Variants in R3HDM4 observed in about 807,000 individuals in gnomAD.
R3HDM4 encodes R3H domain-containing protein 4.
R3HDM4 carries 30 observed loss-of-function variants against 31.3 expected under a neutral mutation model. The ratio of observed to expected loss-of-function variants is 0.96; its 90% CI spans 0.72 to 1.30. The LOEUF is 1.30. Among genes scored for constraint, R3HDM4 ranks in the 50% most tolerant of loss-of-function variants. The pLI, the probability that R3HDM4 is intolerant of heterozygous loss-of-function variation, is 0.00. For synonymous variants in R3HDM4, 196 were observed against 156.6 expected (o/e 1.25, Z -1.88); for missense variants, 444 against 366.1 (o/e 1.21, Z -1.74).
chr19:898,614 C>T (rs2036776835), intron 7 of R3HDM4, among the ~76,000 whole-genome samples: 1 of 147,068 alleles, frequency 6.8e-6, no homozygotes, highest in Admixed American at 6.7e-5. Flanking sequence ...CCAAACCTAA[C>T]CAACCAAAAC....
At position 902,094 on chromosome 19, in the gene R3HDM4, G is replaced by A; in HGVS notation, c.108C>T (p.Ser36=). ...LPSCLPALAS[S]QVKRLSASRR... is the part of the protein sequence containing the mutation. ...TGGAAGCCGAGAGTCTCTTCACCTG[G>A]GAGCTGGCTAGGGCAGGCAGGCAGC... Residue 36 remains serine (S), a synonymous_variant, in exon 2 of 8, where the codon TCC becomes TCT. Transcript: ENST00000361574. 6.2e-7 allele frequency: 1 copy of A among 1,613,762 alleles called. No individual in the cohort carries two copies. The highest frequency in any genetic ancestry group is 1.1e-5 in the South Asian group (1 of 91,090).
intron 1 of R3HDM4, among the ~76,000 whole-genome samples, chr19:906,344 C>T (rs1279162041): frequency 6.7e-6 from 1 of 148,530 alleles, no homozygotes; most frequent in African/African-American, 2.5e-5. Context: ...CTCAGCCTCC[C>T]GAGTAGCTGG....
rs1370274429 is a variant in R3HDM4, at chr19:913,210, G to A, written c.-53C>T. ...GCCCGGCAGGGCCTTCACCGGGCCG[G>A]GCAGGAAGTGACGGGCGCCCGGAGG... On this transcript the variant is annotated 5_prime_UTR_variant, in exon 1 of 8. Transcript: ENST00000361574. This position sits in a 1 kb window ranked among gnomAD's most constrained non-coding sequence, Gnocchi z 5.0. The A allele has an allele frequency of 3.8e-6, 4 of 1,050,820 alleles. No individual in the cohort carries two copies. The highest frequency in any genetic ancestry group is 1.7e-5 in the African/African-American group (1 of 58,552). The allele number at this position is 1,050,820 out of a possible 1,614,324, so 65.1% of individuals were successfully genotyped here.
chr19:897,072 C>A lies in R3HDM4; in HGVS notation c.*365G>T. 5.1e-6 allele frequency: 1 copy of A among 197,560 alleles called. No individual in the cohort carries two copies. Among genetic ancestry groups the A allele is most frequent in the South Asian group, 1.7e-4 (1 of 5,806 alleles). The allele number at this position is 197,560 out of a possible 1,614,324, so 12.2% of individuals were successfully genotyped here. ...TCCAAAAGGGAAATTTAAAAATCTACAACAAATCACACCAAATTCATTAAA... is the reference window on the plus strand; with the variant it reads ...TCCAAAAGGGAAATTTAAAAATCTAAAACAAATCACACCAAATTCATTAAA... On this transcript the variant is annotated 3_prime_UTR_variant, in exon 8 of 8. Transcript: ENST00000361574.
rs1261372544 is a variant in R3HDM4, at chr19:899,111, C to T, written c.703+329G>A. On this transcript the variant is annotated intron_variant, in intron 7 of 7. Transcript: ENST00000361574. The surrounding 1 kb of genome is among the most constrained non-coding windows in gnomAD (Gnocchi z 6.8). Reference sequence around the variant, plus strand: ...TGCAAACCTTCCAGACACTGCGTCCCCCCATCTTATCTCTGGCTCTGGGAG... The same window carrying T: ...TGCAAACCTTCCAGACACTGCGTCCTCCCATCTTATCTCTGGCTCTGGGAG... Among the ~76,000 whole-genome samples the T allele has an allele frequency of 1.3e-5, 2 of 152,118 alleles. No individual in the cohort carries two copies. Among genetic ancestry groups the T allele is most frequent in the African/African-American group, 4.8e-5 (2 of 41,426 alleles).
In R3HDM4 at chr19:897,476, C is replaced by G. The variant is rs772648492; in HGVS notation, c.768G>C (p.Pro256=). 5 of 1,612,576 alleles carry G rather than the reference C, an allele frequency of 3.1e-6. No homozygotes were observed. The African/African-American group carries it at 6.7e-5, about 22-fold the overall frequency. Residue 256 remains proline, a synonymous_variant, in exon 8 of 8, where the codon CCG becomes CCC. Coordinates refer to ENST00000361574, the MANE Select transcript of R3HDM4 (RefSeq NM_138774.4). Reference sequence around the variant, plus strand: ...CCAGGTAGGCGGACAGGAGCAGCCCCGGCGGCAGGAAATCCAGGTGCCGAT... The same window carrying G: ...CCAGGTAGGCGGACAGGAGCAGCCCGGGCGGCAGGAAATCCAGGTGCCGAT... ...VSNRHLDFLP[P]GLLLSAYLEQ... is the part of the protein sequence containing the mutation.
In R3HDM4 at chr19:907,116, T is replaced by G. The variant is rs975896327; in HGVS notation, c.72-4986A>C. Among the ~76,000 whole-genome samples, 10 of 151,990 alleles carry G rather than the reference T, an allele frequency of 6.6e-5. No homozygotes were observed. The highest frequency in any genetic ancestry group is 3.9e-4 in the Admixed American group (6 of 15,248). ...AGGCATGAGCTACCACGCCCGGCCCTCATTATACAGATTTGTAAACCAAGG... is the reference window on the plus strand; with the variant it reads ...AGGCATGAGCTACCACGCCCGGCCCGCATTATACAGATTTGTAAACCAAGG... On this transcript the variant is annotated intron_variant, in intron 1 of 7. Coordinates refer to ENST00000361574, the MANE Select transcript of R3HDM4 (RefSeq NM_138774.4). The surrounding 1 kb of genome is among the most constrained non-coding windows in gnomAD (Gnocchi z 4.1).
At chr19:904,030 G>A (rs142366342) in intron 1 of R3HDM4, among the ~76,000 whole-genome samples, 3,366 of 152,188 alleles carry the variant, frequency 0.022, 108 homozygotes, top group Middle Eastern at 0.088. Context: ...CAGCCTGGAC[G>A]ACAGAGCGAG....
chr19:897,633 C>A, intron 7 of R3HDM4, 93 bp from the exon 8 acceptor site: 2 of 999,386 alleles, frequency 2.0e-6, no homozygotes, highest in East Asian at 5.3e-5. Context: ...CGCTTCTTCC[C>A]AGGGAGGTCA....
chr19:897,617 C>T lies in R3HDM4; in HGVS notation c.704-77G>A, dbSNP rs1020612322. The T allele has an allele frequency of 6.1e-6, 7 of 1,138,498 alleles. No individual in the cohort carries two copies. In the African/African-American group the frequency reaches 7.7e-5, roughly 13 times the overall value. The allele number at this position is 1,138,498 out of a possible 1,614,324, so 70.5% of individuals were successfully genotyped here. ...AGGTAGAGGTGCCTCGGACCTGCAC[C>T]ACCCTCGCTTCTTCCCAGGGAGGTC... On this transcript the variant is annotated intron_variant, in intron 7 of 7. Transcript: ENST00000361574.
intron 1 of R3HDM4, among the ~76,000 whole-genome samples, chr19:909,532 A>G (rs1237986335): frequency 6.6e-6 from 1 of 152,202 alleles, no homozygotes; most frequent in African/African-American, 2.4e-5. Flanking sequence ...GTGGTGGTTC[A>G]CGCCTGCAAT....
Position 913,120 on chromosome 19 carries a change from G to T in R3HDM4, c.38C>A (p.Ala13Glu), listed in dbSNP as rs1442777756. Residue 13 changes from alanine (A) to glutamate (E), a missense_variant, in exon 1 of 8, where the codon GCG (alanine) becomes GAG (glutamate). Physicochemically the swap from Ala to Glu is moderately radical, Grantham distance 107. Coordinates refer to ENST00000361574, the MANE Select transcript of R3HDM4 (RefSeq NM_138774.4). The surrounding 1 kb of genome is among the most constrained non-coding windows in gnomAD (Gnocchi z 5.0). ...CCGCCCGCCCGGGGTGCCCTCCGCC[G>T]CCTCCGGGCCGCACTCGGGGTTCTC... ...ALENPECGPE[A>E]AEGTPGGRRL... 1 of 1,081,028 alleles carries T rather than the reference G, an allele frequency of 9.3e-7. No individual in the cohort carries two copies. The highest frequency in any genetic ancestry group is 1.1e-6 in the Non-Finnish European group (1 of 892,088). 67.0% of individuals were successfully genotyped at this position (1,081,028 alleles called of 1,614,324 possible). A position where few individuals can be genotyped will look rare whatever the true frequency, so the allele number is the denominator to read the frequency against.
rs1268979522 is a variant in R3HDM4 at position 913,069 on chromosome 19, C to T, written c.71+18G>A. 47 of 1,027,834 alleles carry T rather than the reference C, an allele frequency of 4.6e-5. No homozygotes were observed. The highest frequency in any genetic ancestry group is 5.5e-5 in the Non-Finnish European group (47 of 855,950). 63.7% of individuals were successfully genotyped at this position (1,027,834 alleles called of 1,614,324 possible). A position where few individuals can be genotyped will look rare whatever the true frequency, so the allele number is the denominator to read the frequency against. On this transcript the variant is annotated intron_variant, in intron 1 of 7. Coordinates refer to ENST00000361574, the MANE Select transcript of R3HDM4 (RefSeq NM_138774.4). This position sits in a 1 kb window ranked among gnomAD's most constrained non-coding sequence, Gnocchi z 5.0. ...GCCCGCCCCCGGCGCCCGCCGCGCC[C>T]CGCCCGCCCGCGCTCACAGCAGCCG...
intron 1 of R3HDM4, among the ~76,000 whole-genome samples, chr19:903,923 C>T (rs567977104): frequency 6.6e-6 from 1 of 152,162 alleles, no homozygotes; most frequent in Non-Finnish European, 1.5e-5. Flanking sequence ...TGGTGGTGGG[C>T]ACCTGTAATC....
intron 3 of R3HDM4, 50 bp from the exon 4 acceptor site, chr19:901,002 C>A (rs762871041): frequency 6.6e-7 from 1 of 1,511,672 alleles, no homozygotes; most frequent in African/African-American, 1.4e-5. Flanking sequence ...TGGGGCTGCG[C>A]TGACATCCCC....
intron 2 of R3HDM4, chr19:901,768 G>GGCCCACC: frequency 1.4e-6 from 1 of 727,294 alleles, no homozygotes; most frequent in Non-Finnish European, 2.2e-6. Context: ...TGCCCGGGGC[G>GGCCCACC]CCCTCCCACC....
chr19:900,894 A>C lies in R3HDM4; in HGVS notation c.410T>G (p.Leu137Arg). 6.3e-7 allele frequency: 1 copy of C among 1,595,668 alleles called. No homozygotes were observed. Among genetic ancestry groups the C allele is most frequent in the Middle Eastern group, 1.9e-4 (1 of 5,326 alleles). The change falls in exon 4 of 8, where the codon CTG (leucine) becomes CGG (arginine). Residue 137 changes from leucine to arginine, a missense_variant. Coordinates refer to ENST00000361574, the MANE Select transcript of R3HDM4 (RefSeq NM_138774.4). ...CGCCTTGCTCCTGCCCTCATCCTCC[A>C]GGTAGCGAAGAACCCGCTCCTGCTC... ...GEEQERVLRY[L>R]EDEGRSKARR...
At chr19:897,684 C>T (rs1197253962) in intron 7 of R3HDM4, 144 bp from the exon 8 acceptor site, 2 of 644,614 alleles carry the variant, frequency 3.1e-6, no homozygotes, top group Non-Finnish European at 2.7e-6. Flanking sequence ...CCTGGCTGGC[C>T]CTAAGCCCGC....
rs369069674 is a variant in R3HDM4, at chr19:907,358, C to A, written c.72-5228G>T. Among the ~76,000 whole-genome samples the A allele has an allele frequency of 3.9e-4, 59 of 152,234 alleles. No individual in the cohort carries two copies. The South Asian group carries it at 4.4e-3, about 11-fold the overall frequency. On this transcript the variant is annotated intron_variant, in intron 1 of 7. Coordinates refer to ENST00000361574, the MANE Select transcript of R3HDM4 (RefSeq NM_138774.4). The surrounding 1 kb of genome is among the most constrained non-coding windows in gnomAD (Gnocchi z 4.1). Reference sequence around the variant, plus strand: ...TGCCCCAGATTCACCCACAGCCCCCCCTGAGGCCCCGGGGCCTACTTCTCC... The same window carrying A: ...TGCCCCAGATTCACCCACAGCCCCCACTGAGGCCCCGGGGCCTACTTCTCC...
Sources: gnomAD v4.1 joint callset for allele counts (sites outside exome capture counted in the v4.1 genomes callset) on GRCh38, gnomAD v4.1.1 for gene constraint, Gnocchi (gnomAD v3.1) non-coding constraint, MANE v1.5 for transcripts, NCBI Gene and HGNC (gene_info 2026-07-23, HGNC 2026-07-21) for gene names.